The following RBFOX1 variants were observed in gnomAD, a reference collection of about 807,000 sequenced individuals.
RBFOX1 encodes the protein RNA binding protein fox-1 homolog 1.
Under a neutral mutation model 57.7 loss-of-function variants are expected in RBFOX1, and 8 were observed. The ratio of observed to expected loss-of-function variants is 0.14; its 90% CI spans 0.08 to 0.25. The LOEUF is 0.25. Ranked by LOEUF, RBFOX1 falls within the 10% of genes least tolerant of loss-of-function variation. RBFOX1 has a pLI of 1.00. For missense variants in RBFOX1, 611 were observed against 548.5 expected, an observed-to-expected ratio of 1.11 and a Z score of -1.14; for synonymous variants, 326 against 222.4, an observed-to-expected ratio of 1.47 and a Z score of -4.15.
chr16:6,875,833 C>T (rs2061734958), intron 3 of RBFOX1, among the ~76,000 whole-genome samples: 3 of 151,800 alleles, frequency 2.0e-5, no homozygotes, highest in Admixed American at 2.0e-4. Context: ...GGTGAAACCT[C>T]ATCTCTACAA....
chr16:5,708,087 G>A (rs889229575), intron 3 of RBFOX1, among the ~76,000 whole-genome samples: 4 of 152,068 alleles, frequency 2.6e-5, no homozygotes, highest in East Asian at 1.9e-4. Context: ...CAAACAAGAC[G>A]CTTGTTTCGT....
At chr16:5,848,298 A>G (rs764793640) in intron 3 of RBFOX1, among the ~76,000 whole-genome samples, 2 of 152,108 alleles carry the variant, frequency 1.3e-5, no homozygotes, top group African/African-American at 2.4e-5. Flanking sequence ...AGTGGACTCT[A>G]TCCCCTATAT....
intron 1 of RBFOX1, among the ~76,000 whole-genome samples, chr16:6,247,062 C>G (rs1284177921): frequency 1.3e-5 from 2 of 152,162 alleles, no homozygotes; most frequent in Non-Finnish European, 2.9e-5. Context: ...AAGAGTGGAA[C>G]TCCATCTCAA....
chr16:6,499,798 C>A (rs996853993), intron 2 of RBFOX1, among the ~76,000 whole-genome samples: 2 of 152,080 alleles, frequency 1.3e-5, no homozygotes, highest in African/African-American at 4.8e-5. Context: ...TCCCAGTCTC[C>A]AGTCATTAGG....
chr16:6,223,784 T>C (rs2097395375), intron 1 of RBFOX1, among the ~76,000 whole-genome samples: 1 of 152,260 alleles, frequency 6.6e-6, no homozygotes, highest in South Asian at 2.1e-4. Flanking sequence ...CCCATGTCTA[T>C]GTCTTGAATG....
intron 2 of RBFOX1, among the ~76,000 whole-genome samples, chr16:6,514,133 G>C (rs775658140): frequency 5.9e-5 from 9 of 152,252 alleles, no homozygotes; most frequent in Non-Finnish European, 8.8e-5. Flanking sequence ...ATCAGCCCTA[G>C]GTGTCACGTT....
chr16:5,983,398 T>C (rs562462014), intron 4 of RBFOX1, among the ~76,000 whole-genome samples: 12 of 152,300 alleles, frequency 7.9e-5, no homozygotes, highest in African/African-American at 2.4e-4. Context: ...TGTCACTGAA[T>C]AGTGCTTTAT....
At chr16:5,650,662 C>G (rs576593312) in intron 3 of RBFOX1, among the ~76,000 whole-genome samples, 18 of 152,284 alleles carry the variant, frequency 1.2e-4, no homozygotes, top group African/African-American at 3.8e-4. Flanking sequence ...GGCAGCTTTT[C>G]TCTTCATTTA....
rs192940818 is a variant in RBFOX1, at chr16:7,249,755, C to A, written c.27+197657C>A. Among the ~76,000 whole-genome samples, 3 of 152,250 alleles carry A rather than the reference C, an allele frequency of 2.0e-5. No homozygotes were observed. In the South Asian group the frequency reaches 6.2e-4, roughly 32 times the overall value. ...ATCTCTGATTTTCCACCATAACAAA[C>A]CGACAGTGATGAGCAACATTGTGTC... On this transcript the variant is annotated intron_variant, in intron 4 of 15. Transcript: ENST00000550418.
At chr16:6,034,919 T>G (rs960191142) in intron 1 of RBFOX1, among the ~76,000 whole-genome samples, 1 of 135,150 alleles carries the variant, frequency 7.4e-6, no homozygotes, top group African/African-American at 2.8e-5. Flanking sequence ...TCAGGGCCTC[T>G]AGGCTTAACC....
At chr16:5,555,238 A>C (rs1468228886) in intron 2 of RBFOX1, among the ~76,000 whole-genome samples, 2 of 151,960 alleles carry the variant, frequency 1.3e-5, no homozygotes, top group African/African-American at 4.8e-5. Flanking sequence ...GGTTTTTGCA[A>C]TTACTTTTAT....
intron 14 of RBFOX1, among the ~76,000 whole-genome samples, chr16:7,696,982 C>A (rs758196113): frequency 1.3e-5 from 2 of 152,188 alleles, no homozygotes; most frequent in South Asian, 4.1e-4. Flanking sequence ...TAGATAACAT[C>A]TAGGAGGTAG....
intron 1 of RBFOX1, among the ~76,000 whole-genome samples, chr16:6,071,608 C>T (rs1335579222): frequency 6.6e-6 from 1 of 152,180 alleles, no homozygotes. Context: ...AATTGATAAA[C>T]TTAAAAATCG....
chr16:5,462,772 C>A (rs964316055), intron 1 of RBFOX1, among the ~76,000 whole-genome samples: 2 of 152,122 alleles, frequency 1.3e-5, no homozygotes, highest in African/African-American at 4.8e-5. Context: ...TTGGCCTCTT[C>A]TGGAGTCCTT....
At chr16:6,718,435 A>T (rs552272125) in intron 3 of RBFOX1, among the ~76,000 whole-genome samples, 1 of 152,330 alleles carries the variant, frequency 6.6e-6, no homozygotes, top group South Asian at 2.1e-4. Context: ...TCCACAAGGT[A>T]ATGCGAGTAA....
At chr16:6,255,329 C>G (rs1350873482) in intron 1 of RBFOX1, among the ~76,000 whole-genome samples, 1 of 152,142 alleles carries the variant, frequency 6.6e-6, no homozygotes, top group African/African-American at 2.4e-5. Context: ...ACTTGGGGCC[C>G]TTTTCTCCAT....
At chr16:6,380,103 A>AC in intron 2 of RBFOX1, among the ~76,000 whole-genome samples, 1 of 152,132 alleles carries the variant, frequency 6.6e-6, no homozygotes, top group Middle Eastern at 3.4e-3. Context: ...TTCTCCTCTG[A>AC]GGTAGGAGGC....
At chr16:6,618,366 A>G (rs1398587034) in intron 2 of RBFOX1, among the ~76,000 whole-genome samples, 1 of 152,250 alleles carries the variant, frequency 6.6e-6, no homozygotes, top group African/African-American at 2.4e-5. Context: ...GCCATTCAGT[A>G]TGCCAAATAA....
At chr16:6,449,633 T>C (rs1241852698) in intron 2 of RBFOX1, among the ~76,000 whole-genome samples, 2 of 152,312 alleles carry the variant, frequency 1.3e-5, no homozygotes, top group Middle Eastern at 3.4e-3. Flanking sequence ...AAAGGAAAAG[T>C]CATCTTGTCT....
Sources: allele counts gnomAD v4.1 joint callset (sites outside exome capture counted in the v4.1 genomes callset), GRCh38; gene constraint gnomAD v4.1.1; transcripts MANE v1.5; gene names NCBI Gene and HGNC (gene_info 2026-07-23, HGNC 2026-07-21).